LYZL6: variants seen among roughly 807,000 people sequenced by gnomAD.
LYZL6 encodes lysozyme like 6.
Under a neutral mutation model 15.0 loss-of-function variants are expected in LYZL6, and 21 were observed. The observed-to-expected ratio is 1.40, with a 90% confidence interval of 1.00 to 2.02. The LOEUF is 2.02. Among genes scored for constraint, LYZL6 ranks in the 30% most tolerant of loss-of-function variants. The pLI, the probability that LYZL6 is intolerant of heterozygous loss-of-function variation, is 0.00. For synonymous variants in LYZL6, 72 were observed against 67.8 expected (o/e 1.06, Z -0.31); for missense variants, 173 against 180.5 (o/e 0.96, Z 0.24).
chr17:35,938,789 A>T (rs938250749), intron 2 of LYZL6, among the ~76,000 whole-genome samples: 1 of 152,112 alleles, frequency 6.6e-6, no homozygotes, highest in African/African-American at 2.4e-5. Flanking sequence ...TCCCCCAGAC[A>T]TTTGGGTGAC....
chr17:35,934,901 T>C, intron 4 of LYZL6, 36 bp from the exon 5 acceptor site: 1 of 1,601,778 alleles, frequency 6.2e-7, no homozygotes, highest in Non-Finnish European at 8.6e-7. Flanking sequence ...TGCCTCACAC[T>C]CAGTAACTCT....
At chr17:35,939,183 G>C in intron 2 of LYZL6, 35 bp downstream of exon 2, 2 of 1,603,204 alleles carry the variant, frequency 1.2e-6, no homozygotes, top group Non-Finnish European at 1.7e-6. Flanking sequence ...GACTAGCAGA[G>C]GAGAAATGGC....
In LYZL6 at chr17:35,937,849, GC is replaced by G; in HGVS notation, c.206del (p.Ser69ThrfsTer28). ...TGATCTGGAAGAGGCCATAGTCAAA[GC>G]TTCCGTCTGCATTTTCATTTATCTT... ...ISKINENADG[S>X]FDYGLFQINS... On this transcript the variant is annotated frameshift_variant, in exon 3 of 5. Coordinates refer to ENST00000615905, the MANE Select transcript of LYZL6 (RefSeq NM_020426.4). LOFTEE classifies it high-confidence loss of function. The G allele has an allele frequency of 7.4e-6, 12 of 1,614,128 alleles. No individual in the cohort carries two copies. The highest frequency in any genetic ancestry group is 1.0e-5 in the Non-Finnish European group (12 of 1,180,016).
chr17:35,936,874 C>G (rs1289806142), intron 3 of LYZL6, 41 bp from the exon 4 acceptor site: 2 of 1,571,008 alleles, frequency 1.3e-6, no homozygotes, highest in Non-Finnish European at 1.7e-6. Flanking sequence ...GCACAGAAGA[C>G]AGCCCCAAAG....
chr17:35,937,976 A>G, intron 2 of LYZL6, 60 bp from the exon 3 acceptor site: 1 of 1,548,026 alleles, frequency 6.5e-7, no homozygotes, highest in Non-Finnish European at 8.8e-7. Context: ...GAGAAGGGAG[A>G]TGGAGGAGAA....
chr17:35,942,906 CAA>C lies in LYZL6; in HGVS notation c.-203+659_-203+660del, dbSNP rs1197130579. On this transcript the variant is annotated intron_variant, in intron 1 of 4. Coordinates refer to ENST00000615905, the MANE Select transcript of LYZL6 (RefSeq NM_020426.4). ...AACTCTCGCTCCCAGATAAGCAAGA[CAA>C]AGAGACACAGACTAAAAGTTGATGT... 5.3e-5 allele frequency among the ~76,000 whole-genome samples: 8 copies of C among 152,246 alleles called. No individual in the cohort carries two copies. In the East Asian group the frequency reaches 1.5e-3, roughly 29 times the overall value.
intron 3 of LYZL6, 85 bp from the exon 4 acceptor site, chr17:35,936,918 C>T: frequency 1.7e-6 from 2 of 1,185,212 alleles, no homozygotes; most frequent in Non-Finnish European, 2.5e-6. Flanking sequence ...CTGGACAGCC[C>T]TATGCCACCT....
At chr17:35,943,330 C>A (rs1259871762) in intron 1 of LYZL6, among the ~76,000 whole-genome samples, 1 of 152,194 alleles carries the variant, frequency 6.6e-6, no homozygotes, top group Non-Finnish European at 1.5e-5. Context: ...CTTCTCCCAT[C>A]ATTCTACCCC....
At chr17:35,943,340 C>T (rs558792775) in intron 1 of LYZL6, among the ~76,000 whole-genome samples, 87 of 152,288 alleles carry the variant, frequency 5.7e-4, no homozygotes, top group African/African-American at 1.8e-3. Flanking sequence ...CATTCTACCC[C>T]CAGAGCTGAC....
intron 4 of LYZL6, among the ~76,000 whole-genome samples, chr17:35,935,508 C>T (rs1440806953): frequency 4.0e-5 from 6 of 151,630 alleles, no homozygotes; most frequent in African/African-American, 1.2e-4. Flanking sequence ...CTCTGGCTCC[C>T]GGGTTCAAGC....
intron 1 of LYZL6, among the ~76,000 whole-genome samples, chr17:35,940,410 C>T (rs1387819136): frequency 2.0e-5 from 3 of 152,040 alleles, no homozygotes; most frequent in Non-Finnish European, 2.9e-5. Context: ...TTAAAAAGTG[C>T]TCGAAATATG....
chr17:35,938,553 G>A (rs539464160), intron 2 of LYZL6, among the ~76,000 whole-genome samples: 90 of 151,212 alleles, frequency 6.0e-4, no homozygotes, highest in Admixed American at 9.9e-4. Flanking sequence ...AGGAGGCAGA[G>A]CTTGCAGTGA....
intron 4 of LYZL6, among the ~76,000 whole-genome samples, chr17:35,936,487 C>T (rs560268614): frequency 5.9e-5 from 9 of 152,340 alleles, no homozygotes; most frequent in Admixed American, 2.6e-4. Context: ...AGCTGCAGCC[C>T]TTGAGTGGGC....
chr17:35,939,506 C>G lies in LYZL6; in HGVS notation c.-150G>C. 1 of 590,034 alleles carries G rather than the reference C, an allele frequency of 1.7e-6. No individual in the cohort carries two copies. Among genetic ancestry groups the G allele is most frequent in the Non-Finnish European group, 2.9e-6 (1 of 339,264 alleles). 36.5% of individuals were successfully genotyped at this position (590,034 alleles called of 1,614,324 possible). On this transcript the variant is annotated 5_prime_UTR_variant, in exon 2 of 5. Coordinates refer to ENST00000615905, the MANE Select transcript of LYZL6 (RefSeq NM_020426.4). Reference sequence around the variant, plus strand: ...GCTCCAACCTGGCTGTTTCCAATCTCTTTTCTCTTGTTTATTATTTTATAG... The same window carrying G: ...GCTCCAACCTGGCTGTTTCCAATCTGTTTTCTCTTGTTTATTATTTTATAG...
chr17:35,942,581 G>A (rs545367048), intron 1 of LYZL6, among the ~76,000 whole-genome samples: 12 of 152,248 alleles, frequency 7.9e-5, no homozygotes, highest in Non-Finnish European at 1.5e-4. Context: ...TCCTTTTAAC[G>A]CAAAGCAGCT....
chr17:35,937,744 G>A lies in LYZL6; in HGVS notation c.298+14C>T. On this transcript the variant is annotated intron_variant, in intron 3 of 4. Transcript: ENST00000615905. ...GCTGCTCTCATCTCTCCCACCCTGG[G>A]GCCCTGGCCAGACCTTGACAGTCTA... The A allele has an allele frequency of 1.9e-6, 3 of 1,611,822 alleles. No individual in the cohort carries two copies. Among genetic ancestry groups the A allele is most frequent in the Non-Finnish European group, 2.5e-6 (3 of 1,178,372 alleles).
rs566036022 is a variant in LYZL6 at position 35,934,759 on chromosome 17, G to A, written c.*37C>T. The A allele has an allele frequency of 5.7e-6, 9 of 1,589,776 alleles. No individual in the cohort carries two copies. In the African/African-American group the frequency reaches 6.7e-5, roughly 12 times the overall value. ...GAAGAATCCCTGAGTGAGGACAGGA[G>A]TCTTGGAATGACTCCACGGTGCACC... is the stretch of plus-strand genomic sequence containing the variant. On this transcript the variant is annotated 3_prime_UTR_variant, in exon 5 of 5. Coordinates refer to ENST00000615905, the MANE Select transcript of LYZL6 (RefSeq NM_020426.4).
rs1040902609 is a variant in LYZL6 at position 35,934,646 on chromosome 17, C to T, written c.*150G>A. 4.3e-6 allele frequency: 3 copies of T among 690,830 alleles called. No individual in the cohort carries two copies. Among genetic ancestry groups the T allele is most frequent in the Non-Finnish European group, 7.1e-6 (3 of 420,500 alleles). The allele number at this position is 690,830 out of a possible 1,614,324, so 42.8% of individuals were successfully genotyped here. Reference sequence around the variant, plus strand: ...GGGAGTAAGGAGGAAGCCAAGAAAACCATTTATTCCTGGGGCTCTGGTCAG... The same window carrying T: ...GGGAGTAAGGAGGAAGCCAAGAAAATCATTTATTCCTGGGGCTCTGGTCAG... On this transcript the variant is annotated 3_prime_UTR_variant, in exon 5 of 5. Coordinates refer to ENST00000615905, the MANE Select transcript of LYZL6 (RefSeq NM_020426.4).
chr17:35,940,800 G>A lies in LYZL6; in HGVS notation c.-202-1242C>T, dbSNP rs116522874. On this transcript the variant is annotated intron_variant, in intron 1 of 4. Transcript: ENST00000615905. ...TTTTGTATCTGGCTTCTTTCACTTA[G>A]CATAATGTTTTGAAGTTTCATTCAG... Among the ~76,000 whole-genome samples, 439 of 152,246 alleles carry A rather than the reference G, an allele frequency of 2.9e-3. 1 individual carries two copies. The highest frequency in any genetic ancestry group is 0.01 in the African/African-American group (418 of 41,530).
Sources: allele counts gnomAD v4.1 joint callset (sites outside exome capture counted in the v4.1 genomes callset), GRCh38; gene constraint gnomAD v4.1.1; transcripts MANE v1.5; gene names NCBI Gene and HGNC (gene_info 2026-07-23, HGNC 2026-07-21).